CYFIP2: variants seen among roughly 807,000 people sequenced by gnomAD.
The protein encoded by CYFIP2 is cytoplasmic FMR1-interacting protein 2.
A neutral mutation model predicts 158.7 loss-of-function variants in CYFIP2; 29 were observed. That is an observed-to-expected ratio of 0.18 (90% confidence interval 0.14 to 0.25). CYFIP2 has a LOEUF of 0.25. Among genes scored for constraint, CYFIP2 ranks in the 10% least tolerant of loss-of-function variants. CYFIP2 has a pLI of 1.00. For missense variants in CYFIP2, 852 were observed against 1,639.5 expected (o/e 0.52, Z 8.29); for synonymous variants, 585 against 617.6 (o/e 0.95, Z 0.78).
intron 13 of CYFIP2, among the ~76,000 whole-genome samples, chr5:157,315,576 T>C (rs1475645339): frequency 1.3e-5 from 2 of 152,220 alleles, no homozygotes; most frequent in Admixed American, 6.5e-5. Context: ...AGCAATCTGA[T>C]TATATGTACT....
intron 5 of CYFIP2, 115 bp downstream of exon 5, chr5:157,296,889 G>C: frequency 1.2e-6 from 1 of 812,128 alleles, no homozygotes; most frequent in Non-Finnish European, 1.9e-6. Flanking sequence ...AATATTTTTT[G>C]ACTGTGCCCT....
intron 23 of CYFIP2, chr5:157,343,598 T>C: frequency 2.2e-6 from 3 of 1,348,502 alleles, no homozygotes; most frequent in Non-Finnish European, 3.0e-6. Flanking sequence ...TATGTATTTA[T>C]CATAATCATA....
intron 13 of CYFIP2, 37 bp downstream of exon 13, chr5:157,315,131 A>C: frequency 6.2e-7 from 1 of 1,610,610 alleles, no homozygotes; most frequent in East Asian, 2.2e-5. Flanking sequence ...TCCCTCCCCA[A>C]GGCTGCAGCT....
At chr5:157,336,591 A>G (rs971618607) in intron 21 of CYFIP2, among the ~76,000 whole-genome samples, 3 of 152,226 alleles carry the variant, frequency 2.0e-5, no homozygotes, top group Non-Finnish European at 2.9e-5. Flanking sequence ...CTGAGGCCAC[A>G]GAGCTGGTTG....
rs6555939 is a variant in CYFIP2, at chr5:157,320,606, G to A, written c.1524-49G>A. 58 of 1,610,668 alleles carry A rather than the reference G, an allele frequency of 3.6e-5. No individual in the cohort carries two copies. The African/African-American group carries it at 3.9e-4, about 11-fold the overall frequency. ...CCTAGAAACACAAGCTTGTAGTGACGTTTTCCCATGGTGAAACCTGGTCTA... is the reference window on the plus strand; with the variant it reads ...CCTAGAAACACAAGCTTGTAGTGACATTTTCCCATGGTGAAACCTGGTCTA... On this transcript the variant is annotated intron_variant, in intron 14 of 30. Transcript: ENST00000620254.
At chr5:157,304,119 G>C in intron 7 of CYFIP2, 119 bp from the exon 8 acceptor site, 1 of 1,303,840 alleles carries the variant, frequency 7.7e-7, no homozygotes, top group Non-Finnish European at 1.0e-6. Flanking sequence ...CCTCCCTGGA[G>C]CTGTGATTCC....
chr5:157,316,981 T>G (rs1250863889), intron 13 of CYFIP2, among the ~76,000 whole-genome samples: 3 of 152,184 alleles, frequency 2.0e-5, no homozygotes, highest in Admixed American at 6.5e-5. Flanking sequence ...GAAGAAAGTT[T>G]TGCAGTCATC....
At chr5:157,282,574 A>G (rs1200471565) in intron 1 of CYFIP2, among the ~76,000 whole-genome samples, 4 of 152,182 alleles carry the variant, frequency 2.6e-5, no homozygotes, top group African/African-American at 4.8e-5. Context: ...TTGTGCATAT[A>G]TCTTTGTGTA....
chr5:157,288,256 G>T (rs1180688943), intron 3 of CYFIP2, among the ~76,000 whole-genome samples: 1 of 152,154 alleles, frequency 6.6e-6, no homozygotes, highest in Non-Finnish European at 1.5e-5. Context: ...CATCCTTTAT[G>T]AGGAACCCAC....
chr5:157,377,276 T>TC (rs1323228944), intron 26 of CYFIP2, among the ~76,000 whole-genome samples: 4 of 151,422 alleles, frequency 2.6e-5, no homozygotes, highest in East Asian at 3.9e-4. Context: ...TGCCCACCCC[T>TC]CCTTCCTGTC....
chr5:157,305,427 G>T (rs1057053996), intron 8 of CYFIP2, among the ~76,000 whole-genome samples: 6 of 152,212 alleles, frequency 3.9e-5, no homozygotes, highest in Non-Finnish European at 8.8e-5. Context: ...ATTGTCATAT[G>T]TATTGTTTTG....
chr5:157,276,350 T>G (rs57788861), intron 1 of CYFIP2, among the ~76,000 whole-genome samples: 4,333 of 152,286 alleles, frequency 0.028, 223 homozygotes, highest in African/African-American at 0.1. Context: ...GCGTTGAGAT[T>G]TTGTCAAATG....
At chr5:157,282,536 A>G (rs745940345) in intron 1 of CYFIP2, among the ~76,000 whole-genome samples, 1 of 152,262 alleles carries the variant, frequency 6.6e-6, no homozygotes, top group Non-Finnish European at 1.5e-5. Context: ...AGTTTTTGCT[A>G]TCACAAGTAG....
chr5:157,309,912 C>T (rs573099739), intron 10 of CYFIP2, 78 bp downstream of exon 10: 27 of 1,311,286 alleles, frequency 2.1e-5, no homozygotes, highest in East Asian at 5.1e-5. Context: ...CCACTTCAGC[C>T]CCTCCTCCCT....
chr5:157,282,520 G>A (rs1757065903), intron 1 of CYFIP2, among the ~76,000 whole-genome samples: 1 of 152,206 alleles, frequency 6.6e-6, no homozygotes, highest in South Asian at 2.1e-4. Context: ...GATGTTTGCT[G>A]TTTTCAGTTT....
Position 157,266,584 on chromosome 5 carries a change from G to A in CYFIP2, c.-24+389G>A, listed in dbSNP as rs1036521424. 2 of 152,460 alleles carry A rather than the reference G, an allele frequency of 1.3e-5. No homozygotes were observed. Among genetic ancestry groups the A allele is most frequent in the African/African-American group, 4.8e-5 (2 of 41,460 alleles). The allele number at this position is 152,460 out of a possible 1,614,324, so 9.4% of individuals were successfully genotyped here. ...GGCAGCGGCGACATCCTCGAGTCCA[G>A]GTACTGCAGAGCGCTGGCCCCTGCC... On this transcript the variant is annotated intron_variant, in intron 1 of 30. Transcript: ENST00000620254. The surrounding 1 kb of genome is among the most constrained non-coding windows in gnomAD (Gnocchi z 4.2).
intron 26 of CYFIP2, among the ~76,000 whole-genome samples, chr5:157,373,606 T>C (rs1370680761): frequency 6.6e-6 from 1 of 152,110 alleles, no homozygotes; most frequent in Non-Finnish European, 1.5e-5. Flanking sequence ...TTAAAAAGGA[T>C]GTAGGATAAC....
chr5:157,324,020 A>T lies in CYFIP2; in HGVS notation c.1771A>T (p.Ile591Leu). Reference protein sequence around the residue: ...SSLDGPIVLAIEDFHKQSFFF... With the variant: ...SSLDGPIVLALEDFHKQSFFF... ...CCTGGATGGACCCATTGTCCTCGCC[A>T]TAGAGGACTTTCACAAACAGTCCTT... is the stretch of plus-strand genomic sequence containing the variant. The change falls in exon 16 of 31, where the codon ATA becomes TTA. Residue 591 changes from isoleucine (I) to leucine (L), a missense_variant. Coordinates refer to ENST00000620254, the MANE Select transcript of CYFIP2 (RefSeq NM_001037333.3). The T allele has an allele frequency of 6.2e-7, 1 of 1,613,852 alleles. No homozygotes were observed. The highest frequency in any genetic ancestry group is 1.3e-5 in the African/African-American group (1 of 75,052).
intron 3 of CYFIP2, among the ~76,000 whole-genome samples, chr5:157,289,742 G>A (rs1019612994): frequency 6.6e-6 from 1 of 152,188 alleles, no homozygotes; most frequent in Non-Finnish European, 1.5e-5. Flanking sequence ...GTCCTGTGGG[G>A]TTAGGGCTTC....
Sources: allele counts gnomAD v4.1 joint callset (sites outside exome capture counted in the v4.1 genomes callset), GRCh38; gene constraint gnomAD v4.1.1; non-coding constraint Gnocchi (gnomAD v3.1); transcripts MANE v1.5; gene names NCBI Gene and HGNC (gene_info 2026-07-23, HGNC 2026-07-21).